LRP1B: variants seen among roughly 807,000 people sequenced by gnomAD.
LRP1B encodes LDL receptor related protein 1B.
Under a neutral mutation model 556.6 loss-of-function variants are expected in LRP1B, and 217 were observed. The ratio of observed to expected loss-of-function variants is 0.39; its 90% CI spans 0.35 to 0.44. LRP1B has a LOEUF of 0.44. Among genes scored for constraint, LRP1B ranks in the 20% least tolerant of loss-of-function variants. LRP1B has a pLI of 1.00. For missense variants in LRP1B, 5,053 were observed against 5,620.8 expected (o/e 0.90, Z 3.23); for synonymous variants, 2,047 against 1,865.8 (o/e 1.10, Z -2.50).
chr2:140,285,566 G>A (rs1462633849), intron 84 of LRP1B, among the ~76,000 whole-genome samples: 4 of 151,576 alleles, frequency 2.6e-5, no homozygotes. Context: ...GGTTAACTGT[G>A]CCATTTCTTT....
chr2:141,789,936 G>C (rs1340257204), intron 2 of LRP1B, among the ~76,000 whole-genome samples: 1 of 151,898 alleles, frequency 6.6e-6, no homozygotes, highest in Non-Finnish European at 1.5e-5. Flanking sequence ...GCGTCGATAT[G>C]TTACATTATA....
chr2:141,088,665 T>A (rs1184894162), intron 7 of LRP1B, among the ~76,000 whole-genome samples: 1 of 152,188 alleles, frequency 6.6e-6, no homozygotes, highest in African/African-American at 2.4e-5. Context: ...GAGTGCCTAC[T>A]CTGTGGAAAA....
At chr2:140,763,779 G>A (rs559246437) in intron 35 of LRP1B, among the ~76,000 whole-genome samples, 16 of 152,180 alleles carry the variant, frequency 1.1e-4, no homozygotes, top group African/African-American at 3.9e-4. Flanking sequence ...ATTTCAGGTA[G>A]TATTGATAAG....
intron 7 of LRP1B, among the ~76,000 whole-genome samples, chr2:141,185,143 T>C (rs1471324335): frequency 6.6e-6 from 1 of 152,100 alleles, no homozygotes; most frequent in Non-Finnish European, 1.5e-5. Context: ...CTTTATGTAT[T>C]TGACCTTATT....
At chr2:140,343,965 T>C (rs1681525854) in intron 77 of LRP1B, among the ~76,000 whole-genome samples, 3 of 151,674 alleles carry the variant, frequency 2.0e-5, no homozygotes, top group African/African-American at 7.2e-5. Flanking sequence ...GGGAATTAGA[T>C]GACCATATGG....
chr2:141,122,796 C>T (rs1701094405), intron 7 of LRP1B, among the ~76,000 whole-genome samples: 3 of 152,128 alleles, frequency 2.0e-5, no homozygotes, highest in African/African-American at 7.2e-5. Flanking sequence ...AAGACACATG[C>T]ACATGTATGT....
chr2:140,851,235 C>T (rs1692447261), intron 28 of LRP1B, among the ~76,000 whole-genome samples: 1 of 151,944 alleles, frequency 6.6e-6, no homozygotes, highest in African/African-American at 2.4e-5. Flanking sequence ...AGTTGATAAT[C>T]CTGTACCAAA....
intron 2 of LRP1B, among the ~76,000 whole-genome samples, chr2:141,658,668 G>T (rs1690103028): frequency 6.6e-6 from 1 of 152,186 alleles, no homozygotes; most frequent in Non-Finnish European, 1.5e-5. Flanking sequence ...AGAGTATTTT[G>T]TTATGCAGCA....
chr2:141,508,671 T>A (rs2105146826), intron 2 of LRP1B, among the ~76,000 whole-genome samples: 1 of 151,960 alleles, frequency 6.6e-6, no homozygotes, highest in East Asian at 1.9e-4. Flanking sequence ...TAAAGAACAG[T>A]TAAATACTTT....
chr2:141,372,499 C>A (rs1036486814), intron 3 of LRP1B, among the ~76,000 whole-genome samples: 2 of 152,006 alleles, frequency 1.3e-5, no homozygotes. Context: ...GGCTGTGCAT[C>A]CAACTGGTCC....
In LRP1B at chr2:140,442,581, G is replaced by A. The variant is rs748759183; in HGVS notation, c.10337C>T (p.Thr3446Met). 117 of 1,613,766 alleles carry A rather than the reference G, an allele frequency of 7.3e-5. 1 individual carries two copies. Among genetic ancestry groups the A allele is most frequent in the Admixed American group, 2.8e-4 (17 of 59,980 alleles). Residue 3446 changes from threonine (T) to methionine (M), a missense_variant, in exon 66 of 91, where the codon ACG (threonine) becomes ATG (methionine). By Grantham distance (81) the Thr-to-Met change is moderately conservative (BLOSUM62 -1). Around this residue, in one of 5 missense-constraint regions of LRP1B, gnomAD observed 262 missense variants for 395.1 expected, o/e 0.66. Transcript: ENST00000389484. The part of the protein sequence containing the change: ...CSPDYFQCKT[T>M]KHCISKLWVC... ...CCACAGCTTGGAAATGCAATGCTTC[G>A]TAGTCTTACACTGGAAATAGTCTGG...
rs773703912 is a variant in LRP1B at position 140,770,963 on chromosome 2, A to G, written c.5544T>C (p.Leu1848=). 1.9e-6 allele frequency: 3 copies of G among 1,590,192 alleles called. No homozygotes were observed. Among genetic ancestry groups the G allele is most frequent in the Non-Finnish European group, 2.6e-6 (3 of 1,170,532 alleles). ...TTGTAGTTTCAGATGTTGGTAAACA[A>G]AGTTGAGAGCATCCACCATTGTTTA... ...CQLNNGGCSQ[L]CLPTSETTRT... is the part of the protein sequence containing the mutation. Residue 1848 remains leucine, a synonymous_variant, in exon 34 of 91, where the codon CTT becomes CTC. Coordinates refer to ENST00000389484, the MANE Select transcript of LRP1B (RefSeq NM_018557.3).
intron 31 of LRP1B, among the ~76,000 whole-genome samples, chr2:140,829,276 A>AAATG (rs1436237710): frequency 3.3e-5 from 5 of 152,230 alleles, no homozygotes; most frequent in African/African-American, 1.2e-4. Flanking sequence ...ACTCTAGACC[A>AAATG]AATGAATCAA....
At chr2:140,915,170 A>T (rs1215643910) in intron 21 of LRP1B, among the ~76,000 whole-genome samples, 1 of 152,178 alleles carries the variant, frequency 6.6e-6, no homozygotes, top group Non-Finnish European at 1.5e-5. Flanking sequence ...TACTTATATA[A>T]GGTGATTTAA....
At chr2:140,538,722 T>A (rs1680023019) in intron 45 of LRP1B, among the ~76,000 whole-genome samples, 1 of 152,118 alleles carries the variant, frequency 6.6e-6, no homozygotes, top group Non-Finnish European at 1.5e-5. Flanking sequence ...CATCTTAGCA[T>A]AGAACAAAAT....
intron 3 of LRP1B, among the ~76,000 whole-genome samples, chr2:141,343,665 A>T (rs1304807110): frequency 6.6e-6 from 1 of 152,148 alleles, no homozygotes; most frequent in African/African-American, 2.4e-5. Context: ...AGCTTACTTT[A>T]TGATGTGTGA....
At chr2:140,444,784 G>T in intron 63 of LRP1B, 105 bp from the exon 64 acceptor site, 2 of 704,192 alleles carry the variant, frequency 2.8e-6, no homozygotes, top group South Asian at 1.8e-5. Context: ...AATATATCCT[G>T]GAATACAATG....
chr2:141,051,891 T>G (rs556630994), intron 10 of LRP1B, among the ~76,000 whole-genome samples: 1 of 152,020 alleles, frequency 6.6e-6, no homozygotes, highest in African/African-American at 2.4e-5. Context: ...CTGCTTCATA[T>G]TTAATGTATG....
chr2:141,386,573 A>T (rs896601023), intron 3 of LRP1B, among the ~76,000 whole-genome samples: 8 of 152,136 alleles, frequency 5.3e-5, no homozygotes, highest in African/African-American at 1.9e-4. Flanking sequence ...AGATAGTTAC[A>T]TTAACATCAA....
Sources: gnomAD v4.1 joint callset for allele counts (sites outside exome capture counted in the v4.1 genomes callset) on GRCh38, gnomAD v4.1.1 for gene constraint, gnomAD v4.1.1 regional missense constraint, MANE v1.5 for transcripts, NCBI Gene and HGNC (gene_info 2026-07-23, HGNC 2026-07-21) for gene names.